NIPSNAP1: variants seen among roughly 807,000 people sequenced by gnomAD.
NIPSNAP1 encodes the protein nipsnap homolog 1.
Under a neutral mutation model 49.2 loss-of-function variants are expected in NIPSNAP1, and 25 were observed. The ratio of observed to expected loss-of-function variants is 0.51; its 90% CI spans 0.37 to 0.71. The LOEUF (loss-of-function observed/expected upper bound fraction) is 0.71, where lower values mean the gene tolerates loss of function less well. Ranked by LOEUF, NIPSNAP1 falls within the 30% of genes least tolerant of loss-of-function variation. The pLI is 0.00. For missense variants in NIPSNAP1, 294 were observed against 361.0 expected (o/e 0.81, Z 1.50); for synonymous variants, 143 against 140.7 (o/e 1.02, Z -0.12).
At chr22:29,580,090 T>C in intron 1 of NIPSNAP1, 2 of 1,303,904 alleles carry the variant, frequency 1.5e-6, no homozygotes, top group Non-Finnish European at 2.0e-6. Flanking sequence ...GGGGAACAGG[T>C]GGCCTCACTT....
intron 1 of NIPSNAP1, among the ~76,000 whole-genome samples, chr22:29,579,601 G>A (rs2064482568): frequency 1.3e-5 from 2 of 151,502 alleles, no homozygotes; most frequent in African/African-American, 2.4e-5. Flanking sequence ...GGCCATTTTT[G>A]TACTTTTTAT....
chr22:29,580,928 C>G (rs1045829034), intron 1 of NIPSNAP1, 57 bp downstream of exon 1: 100 of 1,366,552 alleles, frequency 7.3e-5, no homozygotes, highest in Middle Eastern at 2.6e-4. Context: ...CAGTCCCTGG[C>G]CCCCGCGCCT....
intron 1 of NIPSNAP1, among the ~76,000 whole-genome samples, chr22:29,571,138 A>G (rs1293795671): frequency 6.6e-6 from 1 of 152,162 alleles, no homozygotes; most frequent in African/African-American, 2.4e-5. Flanking sequence ...AAAGCCAAAT[A>G]CAAATAAGCT....
rs557311404 is a variant in NIPSNAP1 at position 29,574,703 on chromosome 22, C to G, written c.99-4171G>C. Among the ~76,000 whole-genome samples, 11 of 148,152 alleles carry G rather than the reference C, an allele frequency of 7.4e-5. 1 individual carries two copies. Among genetic ancestry groups the G allele is most frequent in the African/African-American group, 2.7e-4 (11 of 40,082 alleles). ...CTGAGGCAGGAGAATCACTTGAACC[C>G]GGGAGGCGGAGGTTGCAGTGAGCTG... is the stretch of plus-strand genomic sequence containing the variant. On this transcript the variant is annotated intron_variant, in intron 1 of 9. Transcript: ENST00000216121.
intron 9 of NIPSNAP1, among the ~76,000 whole-genome samples, chr22:29,556,285 G>A (rs2064293722): frequency 6.6e-6 from 1 of 152,188 alleles, no homozygotes; most frequent in Admixed American, 6.5e-5. Flanking sequence ...AGCACTTAGA[G>A]AGGCCAAGAC....
chr22:29,557,004 C>T (rs1346090046), intron 9 of NIPSNAP1, among the ~76,000 whole-genome samples: 2 of 152,200 alleles, frequency 1.3e-5, no homozygotes, highest in African/African-American at 2.4e-5. Flanking sequence ...CCACCTCAGC[C>T]TCCCAAAGTG....
intron 4 of NIPSNAP1, among the ~76,000 whole-genome samples, chr22:29,567,702 A>G (rs139535931): frequency 6.6e-6 from 1 of 152,074 alleles, no homozygotes; most frequent in African/African-American, 2.4e-5. Context: ...AAAATTTAAA[A>G]TAAATTAGTT....
Position 29,554,819 on chromosome 22 carries a change from T to C in NIPSNAP1, c.*1116A>G, listed in dbSNP as rs2064275520. On this transcript the variant is annotated 3_prime_UTR_variant, in exon 10 of 10. Coordinates refer to ENST00000216121, the MANE Select transcript of NIPSNAP1 (RefSeq NM_003634.4). ...AGAAAAGACACTGATTTATAGTAAA[T>C]ATTTAATTGTTTCCATCAGCAATTC... 1 of 152,448 alleles carries C rather than the reference T, an allele frequency of 6.6e-6. No homozygotes were observed. Among genetic ancestry groups the C allele is most frequent in the Non-Finnish European group, 1.5e-5 (1 of 68,056 alleles). The allele number at this position is 152,448 out of a possible 1,614,324, so 9.4% of individuals were successfully genotyped here. A position where few individuals can be genotyped will look rare whatever the true frequency, so the allele number is the denominator to read the frequency against.
chr22:29,575,616 C>T (rs1332280804), intron 1 of NIPSNAP1, among the ~76,000 whole-genome samples: 3 of 152,142 alleles, frequency 2.0e-5, no homozygotes, highest in South Asian at 2.1e-4. Flanking sequence ...CGTTCTAAAA[C>T]GCTATACTAG....
chr22:29,561,508 T>C lies in NIPSNAP1; in HGVS notation c.577A>G (p.Lys193Glu). Residue 193 changes from lysine to glutamate, a missense_variant and splice_region_variant, in exon 6 of 10, where the codon AAG becomes GAG. Transcript: ENST00000216121. ...GGGGGTCTGTCGGAGGGAGGCACCT[T>C]GAGCTTGTATGTCCTCAGCTCATAG... ...NIYELRTYKLKPGTMIEWGNN... is the reference protein window; with the variant it reads ...NIYELRTYKLEPGTMIEWGNN... 2 of 1,613,372 alleles carry C rather than the reference T, an allele frequency of 1.2e-6. No homozygotes were observed. The highest frequency in any genetic ancestry group is 1.7e-6 in the Non-Finnish European group (2 of 1,179,350).
rs191579968 is a variant in NIPSNAP1 at position 29,558,585 on chromosome 22, C to T, written c.790+285G>A. Among the ~76,000 whole-genome samples, 87 of 152,270 alleles carry T rather than the reference C, an allele frequency of 5.7e-4. 1 individual carries two copies. Among genetic ancestry groups the T allele is most frequent in the Non-Finnish European group, 1.1e-3 (78 of 68,010 alleles). On this transcript the variant is annotated intron_variant, in intron 9 of 9. Coordinates refer to ENST00000216121, the MANE Select transcript of NIPSNAP1 (RefSeq NM_003634.4). ...ACTATCTTACAGACGAGGGAACAGCCTCAGCGAGGTAAAGAACCGTGCCCA... is the reference window on the plus strand; with the variant it reads ...ACTATCTTACAGACGAGGGAACAGCTTCAGCGAGGTAAAGAACCGTGCCCA...
chr22:29,579,930 C>T (rs2146621484), intron 1 of NIPSNAP1: 1 of 455,388 alleles, frequency 2.2e-6, no homozygotes. Context: ...CTAGGTGGGG[C>T]GCTTATGCCA....
In NIPSNAP1 at chr22:29,554,879, A is replaced by G. The variant is rs1423697638; in HGVS notation, c.*1056T>C. 5 of 152,844 alleles carry G rather than the reference A, an allele frequency of 3.3e-5. No homozygotes were observed. The highest frequency in any genetic ancestry group is 7.3e-5 in the Non-Finnish European group (5 of 68,044). 9.5% of individuals were successfully genotyped at this position (152,844 alleles called of 1,614,324 possible). On this transcript the variant is annotated 3_prime_UTR_variant, in exon 10 of 10. Coordinates refer to ENST00000216121, the MANE Select transcript of NIPSNAP1 (RefSeq NM_003634.4). ...TTTTCCTGGATGGTAGGCAGAATCA[A>G]GCTACCCAAGGGTTCATGATGAGGT...
chr22:29,581,052 T>G lies in NIPSNAP1; in HGVS notation c.31A>C (p.Thr11Pro). Residue 11 changes from threonine (T) to proline (P), a missense_variant, in exon 1 of 10, where the codon ACG becomes CCG. Transcript: ENST00000216121. MAPRLCSISV[T>P]ARRLLGGPGP... The stretch of plus-strand genomic sequence containing the variant: ...GGGCCCCCCAGCAGCCGCCGCGCCG[T>G]CACAGAGATGCTGCACAGCCGCGGA... The G allele has an allele frequency of 6.5e-7, 1 of 1,540,352 alleles. No individual in the cohort carries two copies. The highest frequency in any genetic ancestry group is 2.0e-5 in the Admixed American group (1 of 50,892).
chr22:29,562,835 C>G (rs1438224221), intron 4 of NIPSNAP1, among the ~76,000 whole-genome samples: 1 of 152,150 alleles, frequency 6.6e-6, no homozygotes, highest in Non-Finnish European at 1.5e-5. Context: ...CACGGTGGCT[C>G]ACGCCTGTAA....
rs773842345 is a variant in NIPSNAP1 at position 29,570,116 on chromosome 22, T to TC, written c.272+45dup. The TC allele has an allele frequency of 5.7e-6, 9 of 1,568,020 alleles. No individual in the cohort carries two copies. The Admixed American group carries it at 6.7e-5, about 12-fold the overall frequency. On this transcript the variant is annotated intron_variant, in intron 3 of 9. Coordinates refer to ENST00000216121, the MANE Select transcript of NIPSNAP1 (RefSeq NM_003634.4). The stretch of plus-strand genomic sequence containing the variant: ...TTCCGCAAATTTGCTGAAAGTGTGT[T>TC]CCCCACCCAAGCAGGGGATGGGATG...
intron 1 of NIPSNAP1, among the ~76,000 whole-genome samples, chr22:29,574,027 G>A (rs187409666): frequency 3.9e-4 from 59 of 151,620 alleles, no homozygotes; most frequent in Non-Finnish European, 6.6e-4. Flanking sequence ...AGGCTGAGGC[G>A]GGCAGATTGC....
At chr22:29,570,666 C>CCTGT in intron 1 of NIPSNAP1, 134 bp from the exon 2 acceptor site, 1 of 1,189,938 alleles carries the variant, frequency 8.4e-7, no homozygotes, top group Non-Finnish European at 1.2e-6. Context: ...CCTGTGGCAG[C>CCTGT]TCCAGACTGT....
chr22:29,561,936 G>T, intron 4 of NIPSNAP1, 74 bp from the exon 5 acceptor site: 1 of 1,440,748 alleles, frequency 6.9e-7, no homozygotes, highest in Non-Finnish European at 9.8e-7. Context: ...GGTTGGCTAA[G>T]TGGTGGGGAC....
Sources: gnomAD v4.1 joint callset for allele counts (sites outside exome capture counted in the v4.1 genomes callset) on GRCh38, gnomAD v4.1.1 for gene constraint, MANE v1.5 for transcripts, NCBI Gene and HGNC (gene_info 2026-07-23, HGNC 2026-07-21) for gene names.